HNRNPH1: variants seen among roughly 807,000 people sequenced by gnomAD.
The protein encoded by HNRNPH1 is heterogeneous nuclear ribonucleoprotein H1, also known as heterogeneous nuclear ribonucleoprotein H.
HNRNPH1 carries 4 observed loss-of-function variants against 58.6 expected under a neutral mutation model. The observed-to-expected ratio is 0.07, with a 90% confidence interval of 0.03 to 0.16. The LOEUF (loss-of-function observed/expected upper bound fraction) is 0.16. Ranked by LOEUF, HNRNPH1 falls within the 10% of genes least tolerant of loss-of-function variation. HNRNPH1 has a pLI of 1.00. For synonymous variants in HNRNPH1, 192 were observed against 189.2 expected (o/e 1.01, Z -0.12); for missense variants, 271 against 564.2 (o/e 0.48, Z 5.26).
intron 2 of HNRNPH1, 41 bp downstream of exon 3, chr5:179,621,201 T>C: frequency 6.3e-7 from 1 of 1,589,660 alleles, no homozygotes. Flanking sequence ...CTCTATTGTT[T>C]AATGCTTTAT....
Position 179,623,199 on chromosome 5 carries a change from A to T in HNRNPH1, c.-66T>A. ...GGGGAGGACCAGAACTGAGAGCGCC[A>T]ATTAAGCTGTCCTTCGCCTCCGAGG... is the stretch of plus-strand genomic sequence containing the variant. On this transcript the variant is annotated 5_prime_UTR_variant, in exon 1 of 13. Transcript: ENST00000356731. The T allele has an allele frequency of 1.8e-5, 22 of 1,217,666 alleles. 1 individual carries two copies. In the South Asian group the frequency reaches 2.5e-4, roughly 14 times the overall value. The allele number at this position is 1,217,666 out of a possible 1,614,324, so 75.4% of individuals were successfully genotyped here. A position where few individuals can be genotyped will look rare whatever the true frequency, so the allele number is the denominator to read the frequency against.
At chr5:179,620,617 G>A in intron 3 of HNRNPH1, 1 of 345,394 alleles carries the variant, frequency 2.9e-6, no homozygotes, top group South Asian at 4.5e-5. Flanking sequence ...ACACCAATGT[G>A]AGGAAAGTAG....
At chr5:179,626,276 T>C (rs1774386802), upstream of HNRNPH1, among the ~76,000 whole-genome samples, 1 of 151,918 alleles carries the variant, frequency 6.6e-6, no homozygotes, top group Non-Finnish European at 1.5e-5. Flanking sequence ...CTACTTTTTT[T>C]TAAGTTTTAG....
exon 1 of HNRNPH1, chr5:179,623,939 T>A (rs1430045068): frequency 1.3e-5 from 2 of 152,388 alleles, no homozygotes; most frequent in Non-Finnish European, 2.9e-5. Flanking sequence ...AATTATTTCA[T>A]GCGCATGCGT....
chr5:179,621,680 T>C, intron 1 of HNRNPH1: 1 of 446,348 alleles, frequency 2.2e-6, no homozygotes, highest in Non-Finnish European at 4.1e-6. Context: ...ATCACACATC[T>C]TTTATCAATT....
intron 2 of HNRNPH1, among the ~76,000 whole-genome samples, chr5:179,631,704 G>A (rs1489895776): frequency 3.3e-5 from 5 of 152,008 alleles, no homozygotes; most frequent in Admixed American, 6.6e-5. Flanking sequence ...CTGAGTTCGC[G>A]CCACTGTACT....
chr5:179,614,875 C>T (rs1768743228), exon 13 of HNRNPH1: 3 of 1,545,696 alleles, frequency 1.9e-6, no homozygotes, highest in Non-Finnish European at 2.6e-6. Context: ...ACTGGACATG[C>T]TAGACAACCC....
chr5:179,621,586 T>C, intron 1 of HNRNPH1, 189 bp from the exon 3 acceptor site: 2 of 584,650 alleles, frequency 3.4e-6, no homozygotes, highest in African/African-American at 1.9e-5. Context: ...TAAGGTGATA[T>C]ATTTCCAACC....
chr5:179,620,889 T>C lies in HNRNPH1; in HGVS notation c.397+3A>G. 6.2e-7 allele frequency: 1 copy of C among 1,613,958 alleles called. No homozygotes were observed. The highest frequency in any genetic ancestry group is 8.5e-7 in the Non-Finnish European group (1 of 1,179,908). Reference sequence around the variant, plus strand: ...CTGCTCAGCAACAAACATGACTACATACCTGAGAAGAACTGAACAATTTCT... The same window carrying C: ...CTGCTCAGCAACAAACATGACTACACACCTGAGAAGAACTGAACAATTTCT... On this transcript the variant is annotated splice_donor_region_variant and intron_variant, in intron 3 of 12. Coordinates refer to ENST00000356731, the Ensembl canonical transcript of HNRNPH1.
At chr5:179,633,893 G>A (rs1775049241) in intron 2 of HNRNPH1, 2 of 146,726 alleles carry the variant, frequency 1.4e-5, no homozygotes, top group Admixed American at 1.4e-4. Flanking sequence ...ACTCCAGCCT[G>A]GGTGATAGAG....
intron 2 of HNRNPH1, among the ~76,000 whole-genome samples, chr5:179,630,385 A>G (rs78795758): frequency 0.011 from 1,688 of 152,232 alleles, 39 homozygotes; most frequent in African/African-American, 0.037. Context: ...AGAAAAAGAA[A>G]AGAAAATATG....
exon 8 of HNRNPH1, chr5:179,617,638 C>A (rs773604775): frequency 6.2e-7 from 1 of 1,612,502 alleles, no homozygotes; most frequent in African/African-American, 1.3e-5. Flanking sequence ...CAGGGTTGAG[C>A]GGTGAAAAAA....
exon 13 of HNRNPH1, chr5:179,614,814 C>G (rs1277431049): frequency 1.1e-6 from 1 of 876,470 alleles, no homozygotes; most frequent in Admixed American, 2.5e-5. Context: ...AAAGGTTGAC[C>G]AAGAGTCAGT....
chr5:179,616,340 G>GC lies in HNRNPH1; in HGVS notation c.1208-123dup, dbSNP rs1391784604. ...TGATCTTACATTACTGTAACCCTCT[G>GC]CCTCCTTCTGCCTACTGTCTATAAC... is the stretch of plus-strand genomic sequence containing the variant. On this transcript the variant is annotated intron_variant, in intron 10 of 12. Transcript: ENST00000356731. 7.8e-6 allele frequency: 6 copies of GC among 769,950 alleles called. No individual in the cohort carries two copies. The African/African-American group carries it at 1.0e-4, about 13-fold the overall frequency. The allele number at this position is 769,950 out of a possible 1,614,324, so 47.7% of individuals were successfully genotyped here. A position where few individuals can be genotyped will look rare whatever the true frequency, so the allele number is the denominator to read the frequency against.
intron 2 of HNRNPH1, among the ~76,000 whole-genome samples, chr5:179,632,993 G>C (rs1774977414): frequency 6.6e-6 from 1 of 151,276 alleles, no homozygotes; most frequent in South Asian, 2.1e-4. Flanking sequence ...CACTAGCTGG[G>C]AATACAGGCG....
chr5:179,630,577 A>C (rs1362684767), intron 2 of HNRNPH1, among the ~76,000 whole-genome samples: 7 of 152,022 alleles, frequency 4.6e-5, no homozygotes, highest in African/African-American at 1.7e-4. Context: ...TTGGAGTGTA[A>C]ATTGGTACAC....
At chr5:179,625,833 A>G (rs981457486), upstream of HNRNPH1, among the ~76,000 whole-genome samples, 2 of 152,118 alleles carry the variant, frequency 1.3e-5, no homozygotes, top group South Asian at 4.1e-4. Flanking sequence ...CAGTGGTGCA[A>G]ACATGGCTCA....
At chr5:179,614,247 A>G (rs1167462154) in exon 13 of HNRNPH1, 1 of 152,542 alleles carries the variant, frequency 6.6e-6, no homozygotes, top group African/African-American at 2.4e-5. Context: ...GGAAATCACA[A>G]TACAATGAAA....
At chr5:179,624,063 G>A (rs2127722832) in exon 1 of HNRNPH1, 1 of 156,916 alleles carries the variant, frequency 6.4e-6, no homozygotes, top group East Asian at 1.9e-4. Context: ...TGATGAGGTG[G>A]GCGTCTTTCT....
Sources: allele counts gnomAD v4.1 joint callset (sites outside exome capture counted in the v4.1 genomes callset), GRCh38; gene constraint gnomAD v4.1.1; transcripts MANE v1.5; gene names NCBI Gene and HGNC (gene_info 2026-07-23, HGNC 2026-07-21).